ATP2B4: variants seen among roughly 807,000 people sequenced by gnomAD.
ATP2B4 encodes the protein plasma membrane calcium-transporting ATPase 4.
ATP2B4 carries 39 observed loss-of-function variants against 110.3 expected under a neutral mutation model. That is an observed-to-expected ratio of 0.35 (90% CI 0.27 to 0.46). ATP2B4 has a LOEUF of 0.46. Among genes scored for constraint, ATP2B4 ranks in the 20% least tolerant of loss-of-function variants. The probability of loss-of-function intolerance (pLI) is 1.00; values close to 1 mark genes in which losing one functional copy is unlikely to be tolerated. For synonymous variants in ATP2B4, 538 were observed against 571.7 expected, an observed-to-expected ratio of 0.94 and a Z score of 0.84; for missense variants, 1,135 against 1,530.9, an observed-to-expected ratio of 0.74 and a Z score of 4.32.
chr1:203,719,917 T>G (rs1320665294), intron 15 of ATP2B4, among the ~76,000 whole-genome samples: 1 of 151,828 alleles, frequency 6.6e-6, no homozygotes, highest in Non-Finnish European at 1.5e-5. Flanking sequence ...ACAAAAAATT[T>G]AAAAATTAAC....
intron 6 of ATP2B4, 149 bp from the exon 7 acceptor site, chr1:203,701,895 G>A (rs1448712904): frequency 2.7e-6 from 2 of 735,812 alleles, no homozygotes; most frequent in African/African-American, 3.6e-5. Flanking sequence ...TGAAAACAGA[G>A]ATGTGAGCTT....
rs1257623391 is a variant in ATP2B4, at chr1:203,743,084, T to C, written c.*3230T>C. The C allele has an allele frequency of 6.5e-6, 1 of 152,674 alleles. No individual in the cohort carries two copies. Among genetic ancestry groups the C allele is most frequent in the East Asian group, 1.9e-4 (1 of 5,198 alleles). The allele number at this position is 152,674 out of a possible 1,614,324, so 9.5% of individuals were successfully genotyped here. ...ACCTAGAAATCCCTCTGGACACTTGTGGGTTCTTTAGGGTTTGAGTTTCTT... is the reference window on the plus strand; with the variant it reads ...ACCTAGAAATCCCTCTGGACACTTGCGGGTTCTTTAGGGTTTGAGTTTCTT... On this transcript the variant is annotated 3_prime_UTR_variant, in exon 21 of 21. Coordinates refer to ENST00000357681, the MANE Select transcript of ATP2B4 (RefSeq NM_001684.5).
At chr1:203,684,724 T>A (rs572825771) in intron 2 of ATP2B4, among the ~76,000 whole-genome samples, 2 of 152,306 alleles carry the variant, frequency 1.3e-5, no homozygotes, top group Non-Finnish European at 2.9e-5. Context: ...ACAAGGTATA[T>A]AACTGTACCC....
At chr1:203,708,189 T>C in intron 10 of ATP2B4, 85 bp downstream of exon 10, 1 of 1,555,890 alleles carries the variant, frequency 6.4e-7, no homozygotes, top group Non-Finnish European at 8.8e-7. Context: ...CCTTATTGTT[T>C]ACACTGCCTA....
At chr1:203,646,523 G>C (rs1389909500) in intron 1 of ATP2B4, among the ~76,000 whole-genome samples, 1 of 152,154 alleles carries the variant, frequency 6.6e-6, no homozygotes, top group Non-Finnish European at 1.5e-5. Context: ...CAGCACCTTG[G>C]GAGGCCAAGG....
chr1:203,664,018 A>G (rs1388055055), intron 1 of ATP2B4, among the ~76,000 whole-genome samples: 1 of 152,198 alleles, frequency 6.6e-6, no homozygotes, highest in Non-Finnish European at 1.5e-5. Flanking sequence ...CTTTAAGACC[A>G]TATGCTCTAA....
At chr1:203,696,861 T>C (rs1234951772) in intron 2 of ATP2B4, among the ~76,000 whole-genome samples, 1 of 152,084 alleles carries the variant, frequency 6.6e-6, no homozygotes, top group Non-Finnish European at 1.5e-5. Context: ...GTATAAGGTG[T>C]GTGATGTGAG....
rs573370251 is a variant in ATP2B4, at chr1:203,667,543, CTTTT to C, written c.-464-15194_-464-15191del. On this transcript the variant is annotated intron_variant, in intron 1 of 20. Coordinates refer to ENST00000357681, the MANE Select transcript of ATP2B4 (RefSeq NM_001684.5). ...GTAGCTATCTTTTCGCTTACACCAA[CTTTT>C]TTTTCTTTCTTCTCCTCGATATGTT... is the stretch of plus-strand genomic sequence containing the variant. Among the ~76,000 whole-genome samples, 33 of 152,258 alleles carry C rather than the reference CTTTT, an allele frequency of 2.2e-4. 1 individual carries two copies. The East Asian group carries it at 6.4e-3, about 29-fold the overall frequency.
chr1:203,714,889 A>T (rs932955828), intron 15 of ATP2B4, among the ~76,000 whole-genome samples: 1 of 152,168 alleles, frequency 6.6e-6, no homozygotes, highest in Non-Finnish European at 1.5e-5. Context: ...GTGGAAGGAC[A>T]TTTAAGAAGT....
At chr1:203,659,712 T>G (rs1664274068) in intron 1 of ATP2B4, among the ~76,000 whole-genome samples, 1 of 152,064 alleles carries the variant, frequency 6.6e-6, no homozygotes, top group Non-Finnish European at 1.5e-5. Context: ...AGCCTGTAGT[T>G]CTAGCTACTG....
intron 8 of ATP2B4, among the ~76,000 whole-genome samples, chr1:203,705,427 C>T (rs573565386): frequency 5.6e-4 from 85 of 152,316 alleles, no homozygotes; most frequent in African/African-American, 2.0e-3. Flanking sequence ...GAGACAAAGT[C>T]TCACTCTGTC....
In ATP2B4 at chr1:203,727,385, T is replaced by C. The variant is rs16852227; in HGVS notation, c.3133-10T>C. ...TCTGACGTCTTCCTCTTCGCTGCGC[T>C]TGTTTTCAGTTCATCTCCGCAATAC... On this transcript the variant is annotated splice_polypyrimidine_tract_variant and intron_variant, in intron 19 of 20. Transcript: ENST00000357681. 5,656 of 1,613,716 alleles carry C rather than the reference T, an allele frequency of 3.5e-3. 151 individuals carry two copies. The African/African-American group carries it at 0.062, about 18-fold the overall frequency.
chr1:203,707,449 A>AT (rs200106928), intron 9 of ATP2B4, among the ~76,000 whole-genome samples: 11,178 of 144,356 alleles, frequency 0.077, 1,052 homozygotes, highest in East Asian at 0.38. Context: ...GGTATCTTGG[A>AT]TTTTTTTTTT....
chr1:203,678,392 CT>C (rs35598967), intron 1 of ATP2B4, among the ~76,000 whole-genome samples: 4,207 of 100,082 alleles, frequency 0.042, 39 homozygotes, highest in Middle Eastern at 0.063. Flanking sequence ...TTTCTAGAGG[CT>C]TTTTTTTTTT....
At chr1:203,664,440 C>T (rs985007019) in intron 1 of ATP2B4, among the ~76,000 whole-genome samples, 1 of 152,174 alleles carries the variant, frequency 6.6e-6, no homozygotes, top group Non-Finnish European at 1.5e-5. Flanking sequence ...GATCTTCATC[C>T]AAGGGCAAGG....
intron 20 of ATP2B4, chr1:203,728,221 C>T (rs1218648570): frequency 4.3e-6 from 2 of 469,844 alleles, no homozygotes; most frequent in East Asian, 7.0e-5. Context: ...CTCTTCCCTT[C>T]TTGCAATTTC....
chr1:203,666,057 A>G (rs962830003), intron 1 of ATP2B4, among the ~76,000 whole-genome samples: 4 of 152,202 alleles, frequency 2.6e-5, no homozygotes, highest in African/African-American at 9.7e-5. Flanking sequence ...GCTTGTGGTC[A>G]GCCTACCTGC....
rs1571667400 is a variant in ATP2B4, at chr1:203,638,617, AGGTGGGGG to A, written c.-465+11399_-465+11406del. On this transcript the variant is annotated intron_variant, in intron 1 of 20. Coordinates refer to ENST00000357681, the MANE Select transcript of ATP2B4 (RefSeq NM_001684.5). ...AAGACACTGGGTTAGTTTGAGGCAG[AGGTGGGGG>A]TACAGCCTAGTTCTCCCCACTCCAA... Among the ~76,000 whole-genome samples, 7 of 152,268 alleles carry A rather than the reference AGGTGGGGG, an allele frequency of 4.6e-5. No homozygotes were observed. The East Asian group carries it at 9.7e-4, about 21-fold the overall frequency.
chr1:203,702,094 T>C lies in ATP2B4; in HGVS notation c.937+15T>C. On this transcript the variant is annotated intron_variant, in intron 7 of 20. Coordinates refer to ENST00000357681, the MANE Select transcript of ATP2B4 (RefSeq NM_001684.5). Reference sequence around the variant, plus strand: ...TCGCAACAAAGGTAACCTCTCCAACTACTCATTTACCATCTCTACCTGCCC... The same window carrying C: ...TCGCAACAAAGGTAACCTCTCCAACCACTCATTTACCATCTCTACCTGCCC... 1 of 1,613,970 alleles carries C rather than the reference T, an allele frequency of 6.2e-7. No individual in the cohort carries two copies. Among genetic ancestry groups the C allele is most frequent in the South Asian group, 1.1e-5 (1 of 91,062 alleles).
Sources: gnomAD v4.1 joint callset for allele counts (sites outside exome capture counted in the v4.1 genomes callset) on GRCh38, gnomAD v4.1.1 for gene constraint, MANE v1.5 for transcripts, NCBI Gene and HGNC (gene_info 2026-07-23, HGNC 2026-07-21) for gene names.